RETNLB: variants seen among roughly 807,000 people sequenced by gnomAD.
RETNLB encodes resistin like beta.
Under a neutral mutation model 6.8 loss-of-function variants are expected in RETNLB, and 11 were observed. That is an observed-to-expected ratio of 1.62 (90% CI 1.02 to 2.68). The LOEUF is 2.68. RETNLB is among the 30% of genes most tolerant of loss of function. The probability of loss-of-function intolerance (pLI) is 0.00; values close to 1 mark genes in which losing one functional copy is unlikely to be tolerated. For missense variants in RETNLB, 146 were observed against 135.7 expected (o/e 1.08, Z -0.38); for synonymous variants, 57 against 54.2 (o/e 1.05, Z -0.23).
At chr3:108,756,032 A>T in intron 2 of RETNLB, 127 bp from the exon 3 acceptor site, 1 of 1,017,444 alleles carries the variant, frequency 9.8e-7, no homozygotes, top group South Asian at 1.6e-5. Context: ...CCTCAAGCTC[A>T]TTCAATTTTG....
intron 1 of RETNLB, 168 bp downstream of exon 1, chr3:108,756,891 C>T: frequency 1.3e-6 from 1 of 740,766 alleles, no homozygotes; most frequent in South Asian, 2.1e-5. Flanking sequence ...TCAGGAAAAC[C>T]TCAGCTTTTA....
In RETNLB at chr3:108,756,528, C is replaced by G; in HGVS notation, c.188G>C (p.Arg63Thr). The change falls in exon 2 of 3, where the codon AGA (arginine) becomes ACA (threonine). Residue 63 changes from arginine to threonine, a missense_variant. Transcript: ENST00000295755. ...LSCASVKSQG[R>T]PSSCPAGMAV... ...CTCACCAGCAGGGCAGGAGGACGGT[C>G]TGCCTTGGCTTTTGACACTAGCACA... The G allele has an allele frequency of 6.2e-7, 1 of 1,612,940 alleles. No homozygotes were observed. The highest frequency in any genetic ancestry group is 8.5e-7 in the Non-Finnish European group (1 of 1,178,932).
intron 1 of RETNLB, 25 bp from the exon 2 acceptor site, chr3:108,756,613 C>A (rs746481631): frequency 1.3e-6 from 2 of 1,503,628 alleles, no homozygotes; most frequent in East Asian, 4.5e-5. Context: ...AGAAAGGGTA[C>A]ATCCCATGAG....
intron 2 of RETNLB, 66 bp from the exon 3 acceptor site, chr3:108,755,971 C>T (rs1414173252): frequency 8.1e-6 from 13 of 1,600,342 alleles, no homozygotes; most frequent in Non-Finnish European, 1.1e-5. Context: ...GGGCTACCCA[C>T]AACCATCTTT....
Position 108,757,209 on chromosome 3 carries a change from G to A in RETNLB, c.-24C>T, listed in dbSNP as rs1559805798. 1 of 1,598,820 alleles carries A rather than the reference G, an allele frequency of 6.3e-7. No individual in the cohort carries two copies. Among genetic ancestry groups the A allele is most frequent in the Non-Finnish European group, 8.5e-7 (1 of 1,172,108 alleles). The stretch of plus-strand genomic sequence containing the variant: ...ATCCTGTACAGAGTCAGTGTCCTGG[G>A]GCTGGGAGAAAAGATGGAAAGCAGC... On this transcript the variant is annotated 5_prime_UTR_variant, in exon 1 of 3. Transcript: ENST00000295755.
Position 108,755,742 on chromosome 3 carries a change from C to A in RETNLB, c.*36G>T. The stretch of plus-strand genomic sequence containing the variant: ...GTTGGGACCCTGGTTTCATTACTGT[C>A]ATGGTCACAAAACTGAGTTCTCAGC... On this transcript the variant is annotated 3_prime_UTR_variant, in exon 3 of 3. Coordinates refer to ENST00000295755, the MANE Select transcript of RETNLB (RefSeq NM_032579.3). The A allele has an allele frequency of 6.2e-7, 1 of 1,607,494 alleles. No homozygotes were observed. The highest frequency in any genetic ancestry group is 1.1e-5 in the South Asian group (1 of 90,754).
chr3:108,757,112 C>T lies in RETNLB; in HGVS notation c.74G>A (p.Cys25Tyr). 1.2e-6 allele frequency: 2 copies of T among 1,613,874 alleles called. No individual in the cohort carries two copies. Among genetic ancestry groups the T allele is most frequent in the Non-Finnish European group, 8.5e-7 (1 of 1,179,872 alleles). The change falls in exon 1 of 3, where the codon TGT becomes TAT. Residue 25 changes from cysteine to tyrosine, a missense_variant. Coordinates refer to ENST00000295755, the MANE Select transcript of RETNLB (RefSeq NM_032579.3). The part of the protein sequence containing the change: ...LQLINPGSTQ[C>Y]SLDSVMDKKI... ...CTTATCCATAACGGAGTCTAAGGAA[C>T]ACTGAGTACTCCCCGGGTTGATCAG...
rs189252198 is a variant in RETNLB at position 108,756,016 on chromosome 3, G to T, written c.209-111C>A. ...GCAGTCAGGGGTAGAGCTAGGTTTC[G>T]TGGGGCCTCAAGCTCATTCAATTTT... On this transcript the variant is annotated intron_variant, in intron 2 of 2. Transcript: ENST00000295755. The T allele has an allele frequency of 1.5e-5, 19 of 1,231,684 alleles. No individual in the cohort carries two copies. The African/African-American group carries it at 2.4e-4, about 15-fold the overall frequency. 76.3% of individuals were successfully genotyped at this position (1,231,684 alleles called of 1,614,324 possible).
In RETNLB at chr3:108,755,666, A is replaced by G; in HGVS notation, c.*112T>C. 2 of 1,268,732 alleles carry G rather than the reference A, an allele frequency of 1.6e-6. No homozygotes were observed. The highest frequency in any genetic ancestry group is 2.2e-6 in the Non-Finnish European group (2 of 889,152). The allele number at this position is 1,268,732 out of a possible 1,614,324, so 78.6% of individuals were successfully genotyped here. On this transcript the variant is annotated 3_prime_UTR_variant, in exon 3 of 3. Transcript: ENST00000295755. ...GGTACAAAGTTTGTCTTTATTACCC[A>G]AGAATCAGGAATGGAACAAATGAAG...
At chr3:108,756,136 G>A (rs1192108932) in intron 2 of RETNLB, among the ~76,000 whole-genome samples, 2 of 152,106 alleles carry the variant, frequency 1.3e-5, no homozygotes, top group African/African-American at 4.8e-5. Flanking sequence ...TTGGAACTTG[G>A]GAGTTTCAGT....
Position 108,755,669 on chromosome 3 carries a change from A to C in RETNLB, c.*109T>G, listed in dbSNP as rs1945243562. 7.8e-7 allele frequency: 1 copy of C among 1,283,728 alleles called. No homozygotes were observed. Among genetic ancestry groups the C allele is most frequent in the East Asian group, 2.3e-5 (1 of 42,872 alleles). The allele number at this position is 1,283,728 out of a possible 1,614,324, so 79.5% of individuals were successfully genotyped here. A position where few individuals can be genotyped will look rare whatever the true frequency, so the allele number is the denominator to read the frequency against. ...ACAAAGTTTGTCTTTATTACCCAAGAATCAGGAATGGAACAAATGAAGTGG... is the reference window on the plus strand; with the variant it reads ...ACAAAGTTTGTCTTTATTACCCAAGCATCAGGAATGGAACAAATGAAGTGG... On this transcript the variant is annotated 3_prime_UTR_variant, in exon 3 of 3. Transcript: ENST00000295755.
Position 108,757,305 on chromosome 3 carries a change from T to C in RETNLB, c.-120A>G, listed in dbSNP as rs567835119. ...GTGGTTAGTTTCCAGGGAGTAAAGA[T>C]GGAAGAACAGCGTCATCAGTACTGG... is the stretch of plus-strand genomic sequence containing the variant. On this transcript the variant is annotated 5_prime_UTR_variant, in exon 1 of 3. Coordinates refer to ENST00000295755, the MANE Select transcript of RETNLB (RefSeq NM_032579.3). 154 of 1,193,166 alleles carry C rather than the reference T, an allele frequency of 1.3e-4. No homozygotes were observed. The East Asian group carries it at 3.7e-3, about 28-fold the overall frequency. 73.9% of individuals were successfully genotyped at this position (1,193,166 alleles called of 1,614,324 possible). A position where few individuals can be genotyped will look rare whatever the true frequency, so the allele number is the denominator to read the frequency against.
chr3:108,757,098 C>A lies in RETNLB; in HGVS notation c.88G>T (p.Val30Phe). 2 of 1,613,790 alleles carry A rather than the reference C, an allele frequency of 1.2e-6. No individual in the cohort carries two copies. The highest frequency in any genetic ancestry group is 8.5e-7 in the Non-Finnish European group (1 of 1,179,874). Residue 30 changes from valine to phenylalanine, a missense_variant, in exon 1 of 3, where the codon GTT (valine) becomes TTT (phenylalanine). Transcript: ENST00000295755. The stretch of plus-strand genomic sequence containing the variant: ...ACATCCTTGATCTTCTTATCCATAA[C>A]GGAGTCTAAGGAACACTGAGTACTC... Reference protein sequence around the residue: ...PGSTQCSLDSVMDKKIKDVLN... With the variant: ...PGSTQCSLDSFMDKKIKDVLN...
chr3:108,757,231 C>T lies in RETNLB; in HGVS notation c.-46G>A, dbSNP rs763146778. ...TGGGGCTGGGAGAAAAGATGGAAAG[C>T]AGCTTAGATCTCTGAGCTCCTGGGT... On this transcript the variant is annotated 5_prime_UTR_variant, in exon 1 of 3. Transcript: ENST00000295755. 5 of 1,580,102 alleles carry T rather than the reference C, an allele frequency of 3.2e-6. No homozygotes were observed. Among genetic ancestry groups the T allele is most frequent in the Non-Finnish European group, 4.3e-6 (5 of 1,161,878 alleles).
chr3:108,755,642 G>T lies in RETNLB; in HGVS notation c.*136C>A. 2 of 964,910 alleles carry T rather than the reference G, an allele frequency of 2.1e-6. No individual in the cohort carries two copies. The highest frequency in any genetic ancestry group is 1.6e-6 in the Non-Finnish European group (1 of 623,294). 59.8% of individuals were successfully genotyped at this position (964,910 alleles called of 1,614,324 possible). ...ACAGAGATGACATAAGCACAGAGAG[G>T]TACAAAGTTTGTCTTTATTACCCAA... is the stretch of plus-strand genomic sequence containing the variant. On this transcript the variant is annotated 3_prime_UTR_variant, in exon 3 of 3. Transcript: ENST00000295755.
In RETNLB at chr3:108,755,674, G is replaced by A. The variant is rs750321754; in HGVS notation, c.*104C>T. The A allele has an allele frequency of 6.8e-6, 9 of 1,316,598 alleles. 1 individual carries two copies. Among genetic ancestry groups the A allele is most frequent in the Non-Finnish European group, 9.7e-6 (9 of 928,830 alleles). 81.6% of individuals were successfully genotyped at this position (1,316,598 alleles called of 1,614,324 possible). ...GTTTGTCTTTATTACCCAAGAATCA[G>A]GAATGGAACAAATGAAGTGGGACGT... On this transcript the variant is annotated 3_prime_UTR_variant, in exon 3 of 3. Coordinates refer to ENST00000295755, the MANE Select transcript of RETNLB (RefSeq NM_032579.3).
In RETNLB at chr3:108,755,862, C is replaced by T. The variant is rs780521444; in HGVS notation, c.252G>A (p.Ser84=). 155 of 1,614,018 alleles carry T rather than the reference C, an allele frequency of 9.6e-5. 1 individual carries two copies. The highest frequency in any genetic ancestry group is 1.3e-4 in the African/African-American group (10 of 74,922). ...TGCACGYGCG[S]WDVQLETTCH... ...AGGTGGTTTCCAGCTGAACATCCCA[C>T]GAACCACAGCCATAGCCACAAGCAC... is the stretch of plus-strand genomic sequence containing the variant. The change falls in exon 3 of 3, where the codon TCG becomes TCA. Residue 84 remains serine (S), a synonymous_variant. Coordinates refer to ENST00000295755, the MANE Select transcript of RETNLB (RefSeq NM_032579.3).
intron 1 of RETNLB, 37 bp downstream of exon 1, chr3:108,757,022 G>A: frequency 6.3e-7 from 1 of 1,598,870 alleles, no homozygotes; most frequent in Non-Finnish European, 8.5e-7. Flanking sequence ...AAATGAGCAA[G>A]GGTCAACCCC....
At chr3:108,756,703 C>T in intron 1 of RETNLB, 115 bp from the exon 2 acceptor site, 1 of 744,604 alleles carries the variant, frequency 1.3e-6, no homozygotes, top group East Asian at 2.6e-5. Flanking sequence ...AATCAGCCTA[C>T]TCATCAGCTT....
Sources: gnomAD v4.1 joint callset for allele counts (sites outside exome capture counted in the v4.1 genomes callset) on GRCh38, gnomAD v4.1.1 for gene constraint, MANE v1.5 for transcripts, NCBI Gene and HGNC (gene_info 2026-07-23, HGNC 2026-07-21) for gene names.